Variants in KIAA1755 observed in about 807,000 individuals in gnomAD.
KIAA1755 encodes uncharacterized protein KIAA1755.
In KIAA1755, 68 loss-of-function variants were observed where a neutral mutation model predicts 91.7. The observed-to-expected ratio is 0.74, with a 90% CI of 0.61 to 0.91. KIAA1755 has a LOEUF of 0.91. KIAA1755 is among the 40% of genes least tolerant of loss of function. The pLI is 0.00. For synonymous variants in KIAA1755, 610 were observed against 604.6 expected (o/e 1.01, Z -0.13); for missense variants, 1,535 against 1,494.4 (o/e 1.03, Z -0.45).
At chr20:38,249,182 A>C (rs1397233181) in intron 1 of KIAA1755, among the ~76,000 whole-genome samples, 1 of 152,036 alleles carries the variant, frequency 6.6e-6, no homozygotes, top group African/African-American at 2.4e-5. Flanking sequence ...GGTCAGAACC[A>C]CCATTTTTCT....
Position 38,238,956 on chromosome 20 carries a change from G to A in KIAA1755, c.1747+572C>T, listed in dbSNP as rs2076005560. Among the ~76,000 whole-genome samples the A allele has an allele frequency of 2.6e-5, 4 of 152,148 alleles. No homozygotes were observed. In the South Asian group the frequency reaches 8.3e-4, roughly 32 times the overall value. On this transcript the variant is annotated intron_variant, in intron 4 of 13. Transcript: ENST00000279024. Reference sequence around the variant, plus strand: ...CACTCTGGGCTGAACTGGATCACTGGCTCCCCCTGCCCCACCCCATTCCAG... The same window carrying A: ...CACTCTGGGCTGAACTGGATCACTGACTCCCCCTGCCCCACCCCATTCCAG...
rs985366472 is a variant in KIAA1755 at position 38,210,583 on chromosome 20, A to T, written c.*2459T>A. The T allele has an allele frequency of 6.6e-6, 1 of 152,196 alleles. No homozygotes were observed. Among genetic ancestry groups the T allele is most frequent in the Non-Finnish European group, 1.5e-5 (1 of 68,040 alleles). The allele number at this position is 152,196 out of a possible 1,614,324, so 9.4% of individuals were successfully genotyped here. A position where few individuals can be genotyped will look rare whatever the true frequency, so the allele number is the denominator to read the frequency against. On this transcript the variant is annotated 3_prime_UTR_variant, in exon 14 of 14. Transcript: ENST00000279024. ...TCTGCATTCCCTTCTTCCCCAGGGG[A>T]TGCAGTGAGGGGAGAGATTGTTGGG...
chr20:38,230,397 C>T (rs1434748035), intron 5 of KIAA1755, among the ~76,000 whole-genome samples: 1 of 152,226 alleles, frequency 6.6e-6, no homozygotes, highest in African/African-American at 2.4e-5. Flanking sequence ...TTGAAATTAA[C>T]ATCCCCTATT....
In KIAA1755 at chr20:38,218,232, T is replaced by C. The variant is rs749422668; in HGVS notation, c.2679+12A>G. ...CTGCTCCAGTCCTGCTCCTCTGTTG[T>C]CTGGAACGCACTGCAGCCTGGAGGA... On this transcript the variant is annotated intron_variant, in intron 12 of 13. Coordinates refer to ENST00000279024, the MANE Select transcript of KIAA1755 (RefSeq NM_001029864.2). 6.2e-7 allele frequency: 1 copy of C among 1,614,134 alleles called. No individual in the cohort carries two copies. Among genetic ancestry groups the C allele is most frequent in the Admixed American group, 1.7e-5 (1 of 60,030 alleles).
At chr20:38,250,440 C>T (rs1241614510) in intron 1 of KIAA1755, among the ~76,000 whole-genome samples, 1 of 150,768 alleles carries the variant, frequency 6.6e-6, no homozygotes, top group Non-Finnish European at 1.5e-5. Context: ...AAGTAAGAGC[C>T]ATCACTACAA....
At chr20:38,236,896 T>C (rs1272579552) in intron 4 of KIAA1755, 2 of 152,066 alleles carry the variant, frequency 1.3e-5, no homozygotes, top group Non-Finnish European at 2.9e-5. Flanking sequence ...TGCAGCGTGT[T>C]CTCATCCTGA....
At chr20:38,250,482 A>ATTT (rs1403640813) in intron 1 of KIAA1755, among the ~76,000 whole-genome samples, 1 of 129,158 alleles carries the variant, frequency 7.7e-6, no homozygotes, top group Non-Finnish European at 1.7e-5. Flanking sequence ...TATTATTATT[A>ATTT]TTATGGTGTG....
At chr20:38,216,138 G>A (rs1420311278) in intron 13 of KIAA1755, among the ~76,000 whole-genome samples, 2 of 152,242 alleles carry the variant, frequency 1.3e-5, no homozygotes, top group Non-Finnish European at 2.9e-5. Context: ...TATGGTCTTA[G>A]CAAAGAGCTG....
In KIAA1755 at chr20:38,227,108, G is replaced by T. The variant is rs533981295; in HGVS notation, c.2052+46C>A. On this transcript the variant is annotated intron_variant, in intron 7 of 13. Coordinates refer to ENST00000279024, the MANE Select transcript of KIAA1755 (RefSeq NM_001029864.2). Reference sequence around the variant, plus strand: ...TCTCCTTAACCCCAGCTCAGCTCGAGCCCAACAACTCCCTTCCTCAACCGC... The same window carrying T: ...TCTCCTTAACCCCAGCTCAGCTCGATCCCAACAACTCCCTTCCTCAACCGC... 1.2e-4 allele frequency: 177 copies of T among 1,456,648 alleles called. 2 individuals carry two copies. Among genetic ancestry groups the T allele is most frequent in the Non-Finnish European group, 7.7e-6 (8 of 1,043,342 alleles). The allele number at this position is 1,456,648 out of a possible 1,614,324, so 90.2% of individuals were successfully genotyped here.
At chr20:38,243,124 G>A (rs1462405303) in intron 2 of KIAA1755, among the ~76,000 whole-genome samples, 1 of 152,224 alleles carries the variant, frequency 6.6e-6, no homozygotes, top group African/African-American at 2.4e-5. Flanking sequence ...TTTGGAAAAA[G>A]AGTCTGAGTT....
rs1204010607 is a variant in KIAA1755 at position 38,239,535 on chromosome 20, G to A, written c.1740C>T (p.Cys580=). 6.2e-6 allele frequency: 10 copies of A among 1,613,742 alleles called. No homozygotes were observed. Among genetic ancestry groups the A allele is most frequent in the Non-Finnish European group, 8.5e-6 (10 of 1,179,874 alleles). Residue 580 remains cysteine, a synonymous_variant, in exon 4 of 14, where the codon TGC becomes TGT. Transcript: ENST00000279024. ...GCTTGAATCCCCTGGAACCTGGCAG[G>A]CATGCTATCCTGGAGCGGAAAACCT... The part of the protein sequence containing the change: ...GVKVFRSRIA[C]LPGGRDRAGR...
At chr20:38,248,603 C>T (rs2123292846) in intron 1 of KIAA1755, among the ~76,000 whole-genome samples, 1 of 152,234 alleles carries the variant, frequency 6.6e-6, no homozygotes, top group Admixed American at 6.5e-5. Flanking sequence ...CAAACAGGTG[C>T]TTCATAAATT....
chr20:38,240,735 G>A lies in KIAA1755; in HGVS notation c.1396C>T (p.Pro466Ser), dbSNP rs755384189. 1.9e-6 allele frequency: 3 copies of A among 1,575,440 alleles called. No homozygotes were observed. Among genetic ancestry groups the A allele is most frequent in the Admixed American group, 1.8e-5 (1 of 55,162 alleles). The change falls in exon 3 of 14, where the codon CCC becomes TCC. Residue 466 changes from proline (P) to serine (S), a missense_variant. Pro to Ser is a moderately conservative substitution (Grantham distance 74, BLOSUM62 -1). Coordinates refer to ENST00000279024, the MANE Select transcript of KIAA1755 (RefSeq NM_001029864.2). Reference protein sequence around the residue: ...CPSRNTSSPEPPTPGLKFSFL... With the variant: ...CPSRNTSSPESPTPGLKFSFL... The stretch of plus-strand genomic sequence containing the variant: ...GAGAATTTGAGCCCAGGAGTGGGGG[G>A]CTCAGGGGAGGAGGTGTTTCTGCTA...
chr20:38,240,435 A>G, intron 3 of KIAA1755, 147 bp downstream of exon 3: 1 of 725,730 alleles, frequency 1.4e-6, no homozygotes, highest in Middle Eastern at 4.1e-4. Context: ...ATGAGACTTC[A>G]AGCCCCTTAA....
chr20:38,221,309 G>A (rs2075654819), intron 10 of KIAA1755, among the ~76,000 whole-genome samples: 1 of 152,178 alleles, frequency 6.6e-6, no homozygotes, highest in Admixed American at 6.5e-5. Flanking sequence ...GGGTCTGCGG[G>A]GCCTCGGATG....
At chr20:38,240,229 C>A (rs1021643437) in intron 3 of KIAA1755, among the ~76,000 whole-genome samples, 4 of 152,186 alleles carry the variant, frequency 2.6e-5, no homozygotes, top group Non-Finnish European at 5.9e-5. Flanking sequence ...GCCTCTACAC[C>A]TAGCTTCTGG....
chr20:38,222,541 G>T lies in KIAA1755; in HGVS notation c.2325C>A (p.Asp775Glu), dbSNP rs1312196795. The T allele has an allele frequency of 6.2e-7, 1 of 1,613,572 alleles. No individual in the cohort carries two copies. ...SKELMEAVLR[D>E]PGLLGLQREG... ...CCCGCTGGAGGCCCAGTAGGCCGGG[G>T]TCCCTCAGCACAGCCTCCATCAGCT... Residue 775 changes from aspartate (D) to glutamate (E), a missense_variant, in exon 10 of 14, where the codon GAC becomes GAA. Physicochemically the swap from Asp to Glu is conservative, Grantham distance 45. Coordinates refer to ENST00000279024, the MANE Select transcript of KIAA1755 (RefSeq NM_001029864.2).
intron 2 of KIAA1755, among the ~76,000 whole-genome samples, chr20:38,243,326 T>C (rs1450482070): frequency 6.6e-6 from 1 of 152,220 alleles, no homozygotes; most frequent in East Asian, 1.9e-4. Context: ...ATATTGTAGA[T>C]TGGGCTGCCT....
chr20:38,217,547 TC>T, intron 12 of KIAA1755, 73 bp from the exon 13 acceptor site: 1 of 1,086,176 alleles, frequency 9.2e-7, no homozygotes, highest in Non-Finnish European at 1.3e-6. Flanking sequence ...GTCAGCAACC[TC>T]CAGCTGCCTT....
Sources: allele counts gnomAD v4.1 joint callset (sites outside exome capture counted in the v4.1 genomes callset), GRCh38; gene constraint gnomAD v4.1.1; transcripts MANE v1.5; gene names NCBI Gene and HGNC (gene_info 2026-07-23, HGNC 2026-07-21).